RANBP2: variants seen among roughly 807,000 people sequenced by gnomAD.
RANBP2 encodes E3 SUMO-protein ligase RanBP2.
RANBP2 carries 57 observed loss-of-function variants against 303.6 expected under a neutral mutation model. The observed-to-expected ratio is 0.19, with a 90% CI of 0.15 to 0.23. RANBP2 has a LOEUF of 0.23. RANBP2 is among the 10% of genes least tolerant of loss of function. The pLI is 1.00. For synonymous variants in RANBP2, 1,167 were observed against 1,301.5 expected, an observed-to-expected ratio of 0.90 and a Z score of 2.23; for missense variants, 3,138 against 3,780.8, an observed-to-expected ratio of 0.83 and a Z score of 4.46.
the RANBP2 span, among the ~76,000 whole-genome samples, chr2:109,582,412 C>T: frequency 6.6e-6 from 1 of 152,136 alleles, no homozygotes; most frequent in Non-Finnish European, 1.5e-5. Flanking sequence ...TTCGACTTCC[C>T]AGGCTCAAGT....
chr2:108,982,635 G>A, the RANBP2 span, among the ~76,000 whole-genome samples: 1 of 152,220 alleles, frequency 6.6e-6, no homozygotes, highest in Admixed American at 6.5e-5. Context: ...GCAAGTCAGA[G>A]TGCTGTGTGT....
chr2:109,061,107 A>C, the RANBP2 span, among the ~76,000 whole-genome samples: 1 of 152,060 alleles, frequency 6.6e-6, no homozygotes, highest in Middle Eastern at 3.4e-3. Context: ...TGTTAATAGA[A>C]GGTCTATAGG....
the RANBP2 span, among the ~76,000 whole-genome samples, chr2:109,259,867 C>T: frequency 0.014 from 2,155 of 152,212 alleles, 44 homozygotes; most frequent in African/African-American, 0.05. Flanking sequence ...CTGGGCCGGG[C>T]GCTGTGGGGA....
chr2:109,633,162 C>T, the RANBP2 span, among the ~76,000 whole-genome samples: 3 of 152,040 alleles, frequency 2.0e-5, no homozygotes, highest in South Asian at 2.1e-4. Context: ...GAGGCCATGG[C>T]GGGTGGAATC....
the RANBP2 span, among the ~76,000 whole-genome samples, chr2:109,278,394 C>G: frequency 6.6e-6 from 1 of 152,110 alleles, no homozygotes; most frequent in Non-Finnish European, 1.5e-5. Context: ...GATGACACTT[C>G]TGAAGGAATG....
At chr2:109,355,405 T>C in the RANBP2 span, among the ~76,000 whole-genome samples, 1 of 152,236 alleles carries the variant, frequency 6.6e-6, no homozygotes, top group African/African-American at 2.4e-5. Context: ...TAGGACTCTC[T>C]GACCAAATCC....
downstream of RANBP2, among the ~76,000 whole-genome samples, chr2:108,789,554 A>G (rs748548330): frequency 2.6e-5 from 4 of 152,222 alleles, no homozygotes; most frequent in Non-Finnish European, 5.9e-5. Flanking sequence ...AGATTGTGCC[A>G]TTGCACTCCA....
At chr2:109,502,210 G>GTTCC in the RANBP2 span, 1 of 151,838 alleles carries the variant, frequency 6.6e-6, no homozygotes, top group Non-Finnish European at 1.5e-5. Context: ...CCCCGGAAGG[G>GTTCC]GCACCCCACC....
At chr2:109,064,093 T>C in the RANBP2 span, among the ~76,000 whole-genome samples, 1 of 152,190 alleles carries the variant, frequency 6.6e-6, no homozygotes, top group East Asian at 1.9e-4. Context: ...ATTGTCTGTA[T>C]CTTTTTTAAT....
the RANBP2 span, among the ~76,000 whole-genome samples, chr2:108,928,162 A>G: frequency 6.6e-6 from 1 of 152,044 alleles, no homozygotes; most frequent in African/African-American, 2.4e-5. Context: ...CCAGGTGTAC[A>G]ACTCTTGCTC....
At chr2:109,140,644 G>A in the RANBP2 span, among the ~76,000 whole-genome samples, 1 of 152,102 alleles carries the variant, frequency 6.6e-6, no homozygotes, top group Non-Finnish European at 1.5e-5. Flanking sequence ...GCCTCCCAAA[G>A]TGCTGGGATT....
the RANBP2 span, chr2:109,574,838 A>C: frequency 9.1e-7 from 1 of 1,095,974 alleles, no homozygotes; most frequent in Admixed American, 2.9e-5. Flanking sequence ...AACTCTTAGA[A>C]GTTTGAGGTC....
the RANBP2 span, among the ~76,000 whole-genome samples, chr2:108,912,020 C>G: frequency 2.0e-5 from 3 of 152,244 alleles, no homozygotes; most frequent in Non-Finnish European, 4.4e-5. Flanking sequence ...TATCCTCGCC[C>G]AGCAGTCCTG....
At chr2:109,255,433 G>A in the RANBP2 span, among the ~76,000 whole-genome samples, 1 of 152,214 alleles carries the variant, frequency 6.6e-6, no homozygotes, top group African/African-American at 2.4e-5. Context: ...ATGAAGGTCT[G>A]TGGGGTTGTG....
At chr2:108,795,525 G>A in the RANBP2 span, among the ~76,000 whole-genome samples, 1 of 152,150 alleles carries the variant, frequency 6.6e-6, no homozygotes, top group African/African-American at 2.4e-5. Context: ...TATGTAATGC[G>A]CAGTATCTGT....
the RANBP2 span, among the ~76,000 whole-genome samples, chr2:109,739,898 A>C: frequency 1.4e-5 from 2 of 144,842 alleles, no homozygotes; most frequent in Non-Finnish European, 3.0e-5. Flanking sequence ...TGTTTCTTCT[A>C]TACCCAGTTT....
At chr2:109,539,944 G>T in the RANBP2 span, among the ~76,000 whole-genome samples, 1 of 152,076 alleles carries the variant, frequency 6.6e-6, no homozygotes, top group African/African-American at 2.4e-5. Flanking sequence ...TGGACACTTG[G>T]GTTGTTTCGG....
chr2:109,053,390 A>G, the RANBP2 span, among the ~76,000 whole-genome samples: 1 of 152,226 alleles, frequency 6.6e-6, no homozygotes, highest in Non-Finnish European at 1.5e-5. Flanking sequence ...GCATCCTGAG[A>G]GAGAGGAATG....
chr2:109,316,570 A>T, the RANBP2 span, among the ~76,000 whole-genome samples: 1 of 152,190 alleles, frequency 6.6e-6, no homozygotes, highest in African/African-American at 2.4e-5. Flanking sequence ...GAGCAGTTTT[A>T]GGTTCACAGC....
Sources: allele counts gnomAD v4.1 joint callset (sites outside exome capture counted in the v4.1 genomes callset), GRCh38; gene constraint gnomAD v4.1.1; transcripts MANE v1.5; gene names NCBI Gene and HGNC (gene_info 2026-07-23, HGNC 2026-07-21).